TMPRSS15: variants seen among roughly 807,000 people sequenced by gnomAD.
TMPRSS15 encodes transmembrane serine protease 15.
Under a neutral mutation model 125.3 loss-of-function variants are expected in TMPRSS15, and 128 were observed. The observed-to-expected ratio is 1.02, with a 90% CI of 0.89 to 1.18. TMPRSS15 has a LOEUF of 1.18. Among genes scored for constraint, TMPRSS15 ranks in the 50% most tolerant of loss-of-function variants. TMPRSS15 has a pLI of 0.00. For synonymous variants in TMPRSS15, 446 were observed against 423.2 expected (o/e 1.05, Z -0.66); for missense variants, 1,283 against 1,212.7 (o/e 1.06, Z -0.86).
chr21:18,283,441 A>G (rs1301470479), intron 21 of TMPRSS15, among the ~76,000 whole-genome samples: 4 of 151,954 alleles, frequency 2.6e-5, no homozygotes, highest in Admixed American at 2.6e-4. Flanking sequence ...ACTATACCGT[A>G]TGTTTTGTGT....
At chr21:18,297,998 T>G (rs1359117702) in intron 18 of TMPRSS15, among the ~76,000 whole-genome samples, 169 bp from the exon 19 acceptor site, 1 of 152,208 alleles carries the variant, frequency 6.6e-6, no homozygotes, top group Non-Finnish European at 1.5e-5. Flanking sequence ...ATCTAAAGGA[T>G]GATGCAAATG....
At chr21:18,294,546 CTA>C in intron 20 of TMPRSS15, 55 bp downstream of exon 20, 2 of 1,603,148 alleles carry the variant, frequency 1.2e-6, no homozygotes. Context: ...ACATAAAACT[CTA>C]TTCAGAATTT....
intron 5 of TMPRSS15, among the ~76,000 whole-genome samples, 172 bp downstream of exon 5, chr21:18,379,111 C>G (rs1010298432): frequency 6.6e-6 from 1 of 152,040 alleles, no homozygotes; most frequent in African/African-American, 2.4e-5. Flanking sequence ...ATGTTGTTTA[C>G]TGTGGTGAAA....
At chr21:18,285,528 G>T (rs997668297) in intron 21 of TMPRSS15, among the ~76,000 whole-genome samples, 4 of 152,270 alleles carry the variant, frequency 2.6e-5, no homozygotes, top group Admixed American at 2.0e-4. Flanking sequence ...AGCATTTTTG[G>T]TCTCTATTTT....
intron 1 of TMPRSS15, among the ~76,000 whole-genome samples, chr21:18,455,322 G>A (rs922824261): frequency 2.0e-5 from 3 of 152,264 alleles, no homozygotes; most frequent in African/African-American, 4.8e-5. Context: ...TAGGGGCATA[G>A]GAGATAGACA....
chr21:18,366,350 C>G (rs539510964), intron 6 of TMPRSS15, among the ~76,000 whole-genome samples: 10 of 152,242 alleles, frequency 6.6e-5, no homozygotes, highest in African/African-American at 2.2e-4. Context: ...TGGGAGATAA[C>G]TAGTTCAATG....
At chr21:18,279,578 C>T (rs1046291466) in intron 22 of TMPRSS15, among the ~76,000 whole-genome samples, 6 of 151,494 alleles carry the variant, frequency 4.0e-5, no homozygotes, top group African/African-American at 1.2e-4. Context: ...TCGTGATCTG[C>T]CCACCTCGGC....
At chr21:18,476,300 T>A (rs1195716100) in intron 1 of TMPRSS15, among the ~76,000 whole-genome samples, 1 of 152,164 alleles carries the variant, frequency 6.6e-6, no homozygotes, top group Non-Finnish European at 1.5e-5. Context: ...CTCCAATTTT[T>A]AGCATGTGTT....
intron 1 of TMPRSS15, among the ~76,000 whole-genome samples, chr21:18,449,900 C>T (rs1322561396): frequency 2.2e-5 from 3 of 137,624 alleles, no homozygotes; most frequent in Non-Finnish European, 4.8e-5. Flanking sequence ...CACACACACA[C>T]CTATATAAAA....
chr21:18,373,292 C>A (rs1295265988), intron 5 of TMPRSS15, among the ~76,000 whole-genome samples: 1 of 152,052 alleles, frequency 6.6e-6, no homozygotes, highest in Non-Finnish European at 1.5e-5. Context: ...GCTGAGTCTA[C>A]ATACAACTAA....
chr21:18,362,702 T>C (rs2075689293), intron 7 of TMPRSS15, among the ~76,000 whole-genome samples: 3 of 152,206 alleles, frequency 2.0e-5, no homozygotes, highest in African/African-American at 7.2e-5. Context: ...TTAATATTTT[T>C]ATAGACCACT....
intron 1 of TMPRSS15, among the ~76,000 whole-genome samples, chr21:18,411,519 T>C (rs1211167848): frequency 1.3e-5 from 2 of 152,202 alleles, no homozygotes; most frequent in African/African-American, 4.8e-5. Flanking sequence ...GTTTCAGATA[T>C]TCACCTAAAA....
chr21:18,292,176 G>C (rs149341578), intron 21 of TMPRSS15, among the ~76,000 whole-genome samples: 42 of 152,276 alleles, frequency 2.8e-4, no homozygotes, highest in African/African-American at 1.0e-3. Context: ...CAAATCAATG[G>C]AATAATAAAT....
intron 24 of TMPRSS15, among the ~76,000 whole-genome samples, chr21:18,273,629 G>A (rs924235301): frequency 7.9e-5 from 12 of 152,124 alleles, no homozygotes; most frequent in Non-Finnish European, 1.5e-4. Flanking sequence ...TGCCTAGTGC[G>A]TGAGGTGTCT....
chr21:18,353,138 C>A, intron 9 of TMPRSS15, 86 bp from the exon 10 acceptor site: 4 of 1,070,724 alleles, frequency 3.7e-6, no homozygotes, highest in Non-Finnish European at 4.2e-6. Context: ...ATAATCTAAC[C>A]TTATACAGCT....
At chr21:18,381,069 CTT>C (rs1270960858) in intron 4 of TMPRSS15, among the ~76,000 whole-genome samples, 1 of 152,068 alleles carries the variant, frequency 6.6e-6, no homozygotes, top group Non-Finnish European at 1.5e-5. Context: ...TTTCTTCAAA[CTT>C]TAACATGTTT....
intron 4 of TMPRSS15, among the ~76,000 whole-genome samples, chr21:18,382,646 G>T (rs1353969512): frequency 6.6e-6 from 1 of 152,094 alleles, no homozygotes. Context: ...GCTATTTAGA[G>T]TTTCTCTTTA....
chr21:18,400,479 G>A (rs1383694695), intron 1 of TMPRSS15, among the ~76,000 whole-genome samples: 3 of 152,076 alleles, frequency 2.0e-5, no homozygotes, highest in Non-Finnish European at 4.4e-5. Flanking sequence ...AAACAATGAG[G>A]AAAGGACTTG....
chr21:18,481,487 T>C (rs1002462865), intron 1 of TMPRSS15, among the ~76,000 whole-genome samples: 141 of 151,970 alleles, frequency 9.3e-4, no homozygotes, highest in African/African-American at 3.2e-3. Flanking sequence ...CTATGTGATG[T>C]ATCTTTTTGC....
Sources: allele counts gnomAD v4.1 joint callset (sites outside exome capture counted in the v4.1 genomes callset), GRCh38; gene constraint gnomAD v4.1.1; transcripts MANE v1.5; gene names NCBI Gene and HGNC (gene_info 2026-07-23, HGNC 2026-07-21).